Variants in TTN observed in about 807,000 individuals in gnomAD.
TTN encodes connectin.
TTN carries 1,525 observed loss-of-function variants against 3,223.0 expected under a neutral mutation model. The observed-to-expected ratio is 0.47, with a 90% CI of 0.45 to 0.49. The LOEUF (loss-of-function observed/expected upper bound fraction) is 0.49. Among genes scored for constraint, TTN ranks in the 20% least tolerant of loss-of-function variants. TTN has a pLI of 0.00. For missense variants in TTN, 40,786 were observed against 43,424.0 expected, an observed-to-expected ratio of 0.94 and a Z score of 5.40; for synonymous variants, 14,094 against 15,161.0, an observed-to-expected ratio of 0.93 and a Z score of 5.17.
chr2:178,715,876 C>T (rs2077408176), intron 88 of TTN, 102 bp from the exon 89 acceptor site: 2 of 1,176,860 alleles, frequency 1.7e-6, no homozygotes. Context: ...GTCTTTAGCT[C>T]TGGAAAACAA....
chr2:178,727,596 A>G lies in TTN; in HGVS notation c.19982T>C (p.Leu6661Ser), dbSNP rs772138264. ...DVGSDSCTTM[L>S]LVTEPPKFVK... Reference sequence around the variant, plus strand: ...TCAAATTTGCACACCTGTCACAAGCAACATCGTAGTACAAGAGTCGCTACC... The same window carrying G: ...TCAAATTTGCACACCTGTCACAAGCGACATCGTAGTACAAGAGTCGCTACC... The change falls in exon 68 of 363, where the codon TTG (leucine) becomes TCG (serine). Residue 6661 changes from leucine to serine, a missense_variant. Transcript: ENST00000589042. The G allele has an allele frequency of 3.2e-6, 5 of 1,572,312 alleles. No individual in the cohort carries two copies. In the South Asian group the frequency reaches 4.8e-5, roughly 15 times the overall value.
At position 178,578,755 on chromosome 2, in the gene TTN, C is replaced by G. The variant is rs369692062; in HGVS notation, c.68225-40G>C. 3.7e-6 allele frequency: 6 copies of G among 1,602,924 alleles called. No homozygotes were observed. In the African/African-American group the frequency reaches 6.8e-5, roughly 18 times the overall value. On this transcript the variant is annotated intron_variant, in intron 320 of 362. Transcript: ENST00000589042. ...ATAATGCAAGATTTATAATAAGAAG[C>G]CTCCTCAAAACCGTGTTTTGCTTTA...
At position 178,592,595 on chromosome 2, in the gene TTN, G is replaced by A; in HGVS notation, c.59410C>T (p.Leu19804=). 6.2e-7 allele frequency: 1 copy of A among 1,613,448 alleles called. No individual in the cohort carries two copies. Among genetic ancestry groups the A allele is most frequent in the Non-Finnish European group, 8.5e-7 (1 of 1,179,604 alleles). ...REQHIKVGDT[L]RLSAIIKGVP... is the part of the protein sequence containing the mutation. ...CCTTTGATGATGGCACTAAGTCTTA[G>A]AGTATCACCAACTTTAATGTGTTGT... Residue 19804 remains leucine (L), a synonymous_variant, in exon 301 of 363, where the codon CTA becomes TTA. Coordinates refer to ENST00000589042, the MANE Select transcript of TTN (RefSeq NM_001267550.2).
rs1423238595 is a variant in TTN, at chr2:178,804,544, G to T, written c.91+8C>A. 6.2e-7 allele frequency: 1 copy of T among 1,613,572 alleles called. No individual in the cohort carries two copies. On this transcript the variant is annotated splice_region_variant and intron_variant, in intron 2 of 362. Transcript: ENST00000589042. ...AAAAAAAACAAAAGTGTGAATGTGT[G>T]AGCTTACCACTAATGTGAGCCTCAA...
chr2:178,587,963 T>G lies in TTN; in HGVS notation c.63444A>C (p.Gln21148His). The change falls in exon 305 of 363, where the codon CAA becomes CAC. Residue 21148 changes from glutamine to histidine, a missense_variant. Transcript: ENST00000589042. ...NQEYEFRVCA[Q>H]NQVGIGRPAE... ...CAGGGCGCCCAATACCAACTTGGTT[T>G]TGGGCACACACCCTGAACTCATATT... is the stretch of plus-strand genomic sequence containing the variant. 1 of 1,611,320 alleles carries G rather than the reference T, an allele frequency of 6.2e-7. No homozygotes were observed. Among genetic ancestry groups the G allele is most frequent in the Non-Finnish European group, 8.5e-7 (1 of 1,178,646 alleles).
Position 178,549,464 on chromosome 2 carries a change from T to G in TTN, c.92162A>C (p.Asp30721Ala). 2.5e-6 allele frequency: 4 copies of G among 1,603,200 alleles called. No individual in the cohort carries two copies. Among genetic ancestry groups the G allele is most frequent in the Non-Finnish European group, 3.4e-6 (4 of 1,172,918 alleles). ...VVAQIQYTVP[D>A]APGIPEPSNI... The stretch of plus-strand genomic sequence containing the variant: ...GCTAGGTTCTGGAATGCCAGGGGCA[T>G]CAGGAACAGCTGTAAAACAAAAACA... The change falls in exon 339 of 363, where the codon GAT becomes GCT. Residue 30721 changes from aspartate to alanine, a missense_variant. Coordinates refer to ENST00000589042, the MANE Select transcript of TTN (RefSeq NM_001267550.2).
chr2:178,601,040 C>T lies in TTN; in HGVS notation c.55864G>A (p.Asp18622Asn), dbSNP rs377683368. 2 of 1,612,806 alleles carry T rather than the reference C, an allele frequency of 1.2e-6. No individual in the cohort carries two copies. The highest frequency in any genetic ancestry group is 1.7e-6 in the Non-Finnish European group (2 of 1,179,352). ...GCTTCTTTCTTTGTCCCAGTAGGGT[C>T]CCATGCAAGGCACTCAACAATATAG... ...THYIVECLAW[D>N]PTGTKKEAWR... The change falls in exon 288 of 363, where the codon GAC becomes AAC. Residue 18622 changes from aspartate (D) to asparagine (N), a missense_variant. Asp to Asn is a conservative substitution (Grantham distance 23). Transcript: ENST00000589042.
intron 215 of TTN, 24 bp downstream of exon 215, chr2:178,647,040 G>GTATATATATATATATATATATATATATA (rs10580462): frequency 3.0e-6 from 2 of 666,100 alleles, no homozygotes; most frequent in South Asian, 7.1e-5. Flanking sequence ...TTAAAAAAAT[G>GTATATATATATATATATATATATATATA]TATATATATA....
Position 178,666,102 on chromosome 2 carries a change from A to C in TTN, c.35876-311T>G, listed in dbSNP as rs530242821. Among the ~76,000 whole-genome samples the C allele has an allele frequency of 3.9e-5, 6 of 152,298 alleles. 1 individual carries two copies. In the South Asian group the frequency reaches 1.2e-3, roughly 32 times the overall value. On this transcript the variant is annotated intron_variant, in intron 163 of 362. Transcript: ENST00000589042. ...TATTATGTTGAGAAAAACAAATTAC[A>C]GCCACTTCGAAAAATCTAGGTCGGC...
chr2:178,566,030 A>G lies in TTN; in HGVS notation c.80102T>C (p.Phe26701Ser), dbSNP rs954218807. The change falls in exon 326 of 363, where the codon TTC becomes TCC. Residue 26701 changes from phenylalanine to serine, a missense_variant. Phe to Ser is a radical substitution (Grantham distance 155). Transcript: ENST00000589042. Reference sequence around the variant, plus strand: ...AATGATGGGTGGCTCCCATACCAGGAAGGCAGAATCTTTTCTCACTTCTTT... The same window carrying G: ...AATGATGGGTGGCTCCCATACCAGGGAGGCAGAATCTTTTCTCACTTCTTT... ...AVKEVRKDSA[F>S]LVWEPPIIDG... is the part of the protein sequence containing the mutation. 1 of 1,613,418 alleles carries G rather than the reference A, an allele frequency of 6.2e-7. No individual in the cohort carries two copies. Among genetic ancestry groups the G allele is most frequent in the Non-Finnish European group, 8.5e-7 (1 of 1,179,614 alleles).
rs2092567954 is a variant in TTN at position 178,779,474 on chromosome 2, G to T, written c.3730-12C>A. ...GAAATATGGAATTCCTATGCAAAAA[G>T]ATTATGGTCTGTTAAAAATACATAT... On this transcript the variant is annotated splice_polypyrimidine_tract_variant and intron_variant, in intron 22 of 362. Transcript: ENST00000589042. 1.4e-6 allele frequency: 2 copies of T among 1,433,440 alleles called. No individual in the cohort carries two copies. Among genetic ancestry groups the T allele is most frequent in the Non-Finnish European group, 9.8e-7 (1 of 1,022,766 alleles). The allele number at this position is 1,433,440 out of a possible 1,614,324, so 88.8% of individuals were successfully genotyped here.
Position 178,750,688 on chromosome 2 carries a change from A to G in TTN, c.11311+2436T>C, listed in dbSNP as rs545710656. The G allele has an allele frequency of 6.8e-6, 11 of 1,612,574 alleles. 1 individual carries two copies. In the South Asian group the frequency reaches 1.1e-4, roughly 16 times the overall value. On this transcript the variant is annotated intron_variant, in intron 47 of 362. Coordinates refer to ENST00000589042, the MANE Select transcript of TTN (RefSeq NM_001267550.2). Reference sequence around the variant, plus strand: ...AAGCAGAGAGTTGTAATTCTCTCAAATCATCCTTTTTTATTCTTTCACTAG... The same window carrying G: ...AAGCAGAGAGTTGTAATTCTCTCAAGTCATCCTTTTTTATTCTTTCACTAG...
chr2:178,775,973 A>C lies in TTN; in HGVS notation c.5891T>G (p.Val1964Gly), dbSNP rs1239070726. ...TTCAGTGGTGTCAACAGGTCTATCC[A>C]CTTTTTGTACTTCAAACTGAAGCTT... ...PGKLQFEVQK[V>G]DRPVDTTETK... Residue 1964 changes from valine to glycine, a missense_variant, in exon 28 of 363, where the codon GTG (valine) becomes GGG (glycine). Val to Gly is a moderately radical substitution (Grantham distance 109). Transcript: ENST00000589042. 2 of 1,614,076 alleles carry C rather than the reference A, an allele frequency of 1.2e-6. No homozygotes were observed. The highest frequency in any genetic ancestry group is 1.1e-5 in the South Asian group (1 of 91,078).
chr2:178,785,414 C>A (rs2093101762), intron 15 of TTN, among the ~76,000 whole-genome samples: 1 of 152,054 alleles, frequency 6.6e-6, no homozygotes, highest in African/African-American at 2.4e-5. Flanking sequence ...TATAAGATAA[C>A]CACTTGTGAC....
At chr2:178,773,773 C>T in intron 31 of TTN, 48 bp from the exon 32 acceptor site, 3 of 1,614,060 alleles carry the variant, frequency 1.9e-6, no homozygotes, top group Non-Finnish European at 2.5e-6. Flanking sequence ...TTGAAATTGT[C>T]TGCTCCTTGA....
chr2:178,549,064 A>G lies in TTN; in HGVS notation c.92562T>C (p.Ile30854=). The G allele has an allele frequency of 5.6e-6, 9 of 1,613,784 alleles. No individual in the cohort carries two copies. Among genetic ancestry groups the G allele is most frequent in the Non-Finnish European group, 7.6e-6 (9 of 1,179,814 alleles). ...KPVFDGGMEI[I]GYIIEMCKAD... is the part of the protein sequence containing the mutation. ...CCTTACACATTTCAATAATATACCC[A>G]ATTATTTCCATGCCACCATCAAACA... The change falls in exon 339 of 363, where the codon ATT becomes ATC. Residue 30854 remains isoleucine, a synonymous_variant. Coordinates refer to ENST00000589042, the MANE Select transcript of TTN (RefSeq NM_001267550.2).
At chr2:178,537,953 A>C in intron 354 of TTN, 36 bp from the exon 355 acceptor site, 1 of 1,505,686 alleles carries the variant, frequency 6.6e-7, no homozygotes, top group Middle Eastern at 1.7e-4. Flanking sequence ...AGTGACTGTT[A>C]ATACTCAATC....
intron 22 of TTN, 31 bp from the exon 23 acceptor site, chr2:178,779,493 T>C (rs2092571759): frequency 7.9e-7 from 1 of 1,263,726 alleles, no homozygotes; most frequent in Non-Finnish European, 1.1e-6. Flanking sequence ...CTGTTAAAAA[T>C]ACATATCCTT....
In TTN at chr2:178,728,317, T is replaced by C; in HGVS notation, c.19507A>G (p.Lys6503Glu). 6.2e-7 allele frequency: 1 copy of C among 1,613,030 alleles called. No homozygotes were observed. The highest frequency in any genetic ancestry group is 1.1e-5 in the South Asian group (1 of 91,026). Reference sequence around the variant, plus strand: ...CTAATGGGAAGTGAACCAGACACCTTGCACTCCATATGAATAGAAGAGCCC... The same window carrying C: ...CTAATGGGAAGTGAACCAGACACCTCGCACTCCATATGAATAGAAGAGCCC... ...VLGSSIHMEC[K>E]VSGSLPISAQ... The change falls in exon 67 of 363, where the codon AAG (lysine) becomes GAG (glutamate). Residue 6503 changes from lysine to glutamate, a missense_variant. Coordinates refer to ENST00000589042, the MANE Select transcript of TTN (RefSeq NM_001267550.2).
Sources: gnomAD v4.1 joint callset for allele counts (sites outside exome capture counted in the v4.1 genomes callset) on GRCh38, gnomAD v4.1.1 for gene constraint, MANE v1.5 for transcripts, NCBI Gene and HGNC (gene_info 2026-07-23, HGNC 2026-07-21) for gene names.